MYT1L: variants seen among roughly 807,000 people sequenced by gnomAD.
MYT1L encodes the protein myelin transcription factor 1 like, also known as myelin transcription factor 1-like protein.
Under a neutral mutation model 126.7 loss-of-function variants are expected in MYT1L, and 12 were observed. That is an observed-to-expected ratio of 0.09 (90% CI 0.06 to 0.15). The LOEUF (loss-of-function observed/expected upper bound fraction) is 0.15, where lower values mean the gene tolerates loss of function less well. Among genes scored for constraint, MYT1L ranks in the 10% least tolerant of loss-of-function variants. MYT1L has a pLI of 1.00. For synonymous variants in MYT1L, 541 were observed against 604.2 expected, an observed-to-expected ratio of 0.90 and a Z score of 1.53; for missense variants, 979 against 1,585.2, an observed-to-expected ratio of 0.62 and a Z score of 6.49.
intron 4 of MYT1L, among the ~76,000 whole-genome samples, chr2:2,048,677 A>C (rs1017972236): frequency 6.6e-6 from 1 of 152,150 alleles, no homozygotes; most frequent in African/African-American, 2.4e-5. Context: ...ATCCCTTGAC[A>C]ATATCTGACT....
intron 3 of MYT1L, among the ~76,000 whole-genome samples, chr2:2,122,837 A>ATGTGTGTGTGTGTGTG (rs200951880): frequency 1.0e-4 from 14 of 135,602 alleles, no homozygotes; most frequent in South Asian, 5.1e-4. Context: ...GAGGATAGGA[A>ATGTGTGTGTGTGTGTG]TGTGTGTGTG....
intron 22 of MYT1L, among the ~76,000 whole-genome samples, chr2:1,802,460 A>G (rs2147920733): frequency 6.6e-6 from 1 of 152,362 alleles, no homozygotes; most frequent in Admixed American, 6.5e-5. Context: ...TAGCAAATAA[A>G]AAATCTCATT....
chr2:2,112,531 T>C (rs769066566), intron 3 of MYT1L, among the ~76,000 whole-genome samples: 13 of 152,188 alleles, frequency 8.5e-5, no homozygotes, highest in Non-Finnish European at 1.9e-4. Context: ...ATTGAGACTG[T>C]AGCCACGTGG....
At chr2:1,807,609 AGT>A (rs1483381746) in intron 22 of MYT1L, among the ~76,000 whole-genome samples, 16 of 152,160 alleles carry the variant, frequency 1.1e-4, no homozygotes, top group Non-Finnish European at 2.2e-4. Context: ...GCATCTTGCA[AGT>A]GAAAGCTGAG....
In MYT1L at chr2:2,205,568, C is replaced by A. The variant is rs533380270; in HGVS notation, c.-420-32580G>T. Among the ~76,000 whole-genome samples, 9 of 152,270 alleles carry A rather than the reference C, an allele frequency of 5.9e-5. No individual in the cohort carries two copies. In the South Asian group the frequency reaches 1.9e-3, roughly 32 times the overall value. On this transcript the variant is annotated intron_variant, in intron 2 of 24. Coordinates refer to ENST00000647738, the MANE Select transcript of MYT1L (RefSeq NM_001303052.2). The stretch of plus-strand genomic sequence containing the variant: ...ATACTCATTCCTAGATTCCCATGCC[C>A]TTTTCTTTAGGCTTTATCTATTTCT...
chr2:2,102,677 A>G (rs1442019245), intron 3 of MYT1L, among the ~76,000 whole-genome samples: 1 of 151,766 alleles, frequency 6.6e-6, no homozygotes, highest in Non-Finnish European at 1.5e-5. Flanking sequence ...TTGCATAAAA[A>G]CATGATAGAG....
At chr2:1,900,578 C>T (rs190393806) in intron 14 of MYT1L, among the ~76,000 whole-genome samples, 215 of 152,216 alleles carry the variant, frequency 1.4e-3, no homozygotes, top group Non-Finnish European at 2.7e-3. Context: ...GGATTACAGG[C>T]GTGAGCCCCC....
intron 4 of MYT1L, among the ~76,000 whole-genome samples, chr2:2,003,385 C>A (rs539253028): frequency 2.0e-5 from 3 of 152,182 alleles, no homozygotes; most frequent in African/African-American, 7.2e-5. Flanking sequence ...ATAGTAACAA[C>A]CCAGGCCCCC....
chr2:1,789,913 A>G lies in MYT1L; in HGVS notation c.*1954T>C, dbSNP rs2031744007. ...TATTAAAGTCCTTGTGGAAAACTGT[A>G]AGCTTTTGTACAGTGAACAGTATAA... On this transcript the variant is annotated 3_prime_UTR_variant, in exon 25 of 25. Coordinates refer to ENST00000647738, the MANE Select transcript of MYT1L (RefSeq NM_001303052.2). 1 of 152,258 alleles carries G rather than the reference A, an allele frequency of 6.6e-6. No homozygotes were observed. The highest frequency in any genetic ancestry group is 2.4e-5 in the African/African-American group (1 of 41,468). 9.4% of individuals were successfully genotyped at this position (152,258 alleles called of 1,614,324 possible). A position where few individuals can be genotyped will look rare whatever the true frequency, so the allele number is the denominator to read the frequency against.
intron 8 of MYT1L, among the ~76,000 whole-genome samples, chr2:1,969,384 A>C (rs948093467): frequency 6.6e-6 from 1 of 152,208 alleles, no homozygotes; most frequent in Non-Finnish European, 1.5e-5. Flanking sequence ...CCCATTATCT[A>C]AAAATGCTGT....
chr2:2,089,619 C>A (rs555319293), intron 3 of MYT1L, among the ~76,000 whole-genome samples: 1 of 152,254 alleles, frequency 6.6e-6, no homozygotes, highest in South Asian at 2.1e-4. Flanking sequence ...GGACTTTGTG[C>A]AACCATTTGG....
intron 4 of MYT1L, among the ~76,000 whole-genome samples, chr2:2,027,416 T>A (rs1356336733): frequency 2.0e-5 from 3 of 152,094 alleles, no homozygotes; most frequent in Non-Finnish European, 4.4e-5. Flanking sequence ...GAAAGGGAGA[T>A]TCGGTTGGCG....
chr2:2,090,348 C>T (rs980626473), intron 3 of MYT1L, among the ~76,000 whole-genome samples: 1 of 152,010 alleles, frequency 6.6e-6, no homozygotes, highest in Non-Finnish European at 1.5e-5. Context: ...TTTTTTCATT[C>T]CAAAAAAGTG....
At chr2:2,121,954 C>T (rs984992775) in intron 3 of MYT1L, among the ~76,000 whole-genome samples, 1 of 152,152 alleles carries the variant, frequency 6.6e-6, no homozygotes, top group Non-Finnish European at 1.5e-5. Flanking sequence ...TGGCTGATGC[C>T]GGCCCCGATG....
chr2:2,291,732 G>A (rs2095603175), intron 1 of MYT1L, among the ~76,000 whole-genome samples: 2 of 152,240 alleles, frequency 1.3e-5, no homozygotes, highest in Admixed American at 1.3e-4. Flanking sequence ...GCCACGTGCA[G>A]GCGCCGAGCC....
chr2:2,129,073 C>A (rs1055936259), intron 3 of MYT1L, among the ~76,000 whole-genome samples: 2 of 152,310 alleles, frequency 1.3e-5, no homozygotes, highest in African/African-American at 2.4e-5. Flanking sequence ...TCAGTCGCCA[C>A]ATTGACACAG....
intron 2 of MYT1L, among the ~76,000 whole-genome samples, chr2:2,249,849 A>T (rs1236936131): frequency 2.0e-5 from 3 of 152,324 alleles, no homozygotes; most frequent in South Asian, 2.1e-4. Context: ...TAATTTGATT[A>T]AAAAATGGGC....
chr2:2,325,263 T>C (rs1046757487), intron 1 of MYT1L: 1 of 152,172 alleles, frequency 6.6e-6, no homozygotes, highest in Non-Finnish European at 1.5e-5. Context: ...AATAAAAGAA[T>C]GGTGACACAA....
rs979846068 is a variant in MYT1L, at chr2:1,912,322, G to A, written c.1619-212C>T. Among the ~76,000 whole-genome samples, 14 of 152,112 alleles carry A rather than the reference G, an allele frequency of 9.2e-5. No homozygotes were observed. The highest frequency in any genetic ancestry group is 3.4e-4 in the African/African-American group (14 of 41,418). ...CTACACGAAAGGCCAGAGAAAGAAGGTTGACTGGACCCTACAGACCCTACA... is the reference window on the plus strand; with the variant it reads ...CTACACGAAAGGCCAGAGAAAGAAGATTGACTGGACCCTACAGACCCTACA... On this transcript the variant is annotated intron_variant, in intron 11 of 24. Transcript: ENST00000647738. The surrounding 1 kb of genome is among the most constrained non-coding windows in gnomAD (Gnocchi z 4.3).
Sources: allele counts gnomAD v4.1 joint callset (sites outside exome capture counted in the v4.1 genomes callset), GRCh38; gene constraint gnomAD v4.1.1; non-coding constraint Gnocchi (gnomAD v3.1); transcripts MANE v1.5; gene names NCBI Gene and HGNC (gene_info 2026-07-23, HGNC 2026-07-21).